The following ELMO1 variants were observed in gnomAD, a reference collection of about 807,000 sequenced individuals.
ELMO1 encodes the protein engulfment and cell motility 1.
Under a neutral mutation model 98.9 loss-of-function variants are expected in ELMO1, and 26 were observed. The observed-to-expected ratio is 0.26, with a 90% CI of 0.19 to 0.36. The LOEUF (loss-of-function observed/expected upper bound fraction) is 0.36. Ranked by LOEUF, ELMO1 falls within the 10% of genes least tolerant of loss-of-function variation. ELMO1 has a pLI of 1.00. For missense variants in ELMO1, 627 were observed against 935.2 expected (o/e 0.67, Z 4.30); for synonymous variants, 346 against 346.0 (o/e 1.00, Z 0.00).
At chr7:37,164,177 A>G (rs1373761531) in intron 13 of ELMO1, among the ~76,000 whole-genome samples, 5 of 151,900 alleles carry the variant, frequency 3.3e-5, no homozygotes, top group African/African-American at 1.2e-4. Flanking sequence ...CCACTTTTTC[A>G]TGGGGTTGTT....
chr7:37,158,809 T>C (rs1458266014), intron 13 of ELMO1, among the ~76,000 whole-genome samples: 1 of 152,234 alleles, frequency 6.6e-6, no homozygotes, highest in East Asian at 1.9e-4. Flanking sequence ...ACTGGGTATA[T>C]ACCCAAAGGA....
chr7:37,337,545 C>A (rs1337033191), intron 2 of ELMO1, among the ~76,000 whole-genome samples: 4 of 146,786 alleles, frequency 2.7e-5, no homozygotes, highest in Admixed American at 1.4e-4. Context: ...AAAAAAAACA[C>A]CTATGTGGAG....
At position 37,342,139 on chromosome 7, in the gene ELMO1, C is replaced by A. The variant is rs1336639569; in HGVS notation, c.78+474G>T. ...AATAAAAATTACAATTGGCTGAAAT[C>A]CAAGACTGAACCCCTCTATACTAAT... On this transcript the variant is annotated intron_variant, in intron 2 of 21. Transcript: ENST00000310758. The surrounding 1 kb of genome is among the most constrained non-coding windows in gnomAD (Gnocchi z 4.3). 6.6e-6 allele frequency among the ~76,000 whole-genome samples: 1 copy of A among 152,138 alleles called. No homozygotes were observed. Among genetic ancestry groups the A allele is most frequent in the Non-Finnish European group, 1.5e-5 (1 of 68,028 alleles).
intron 13 of ELMO1, among the ~76,000 whole-genome samples, chr7:37,162,732 A>G (rs1789310856): frequency 6.6e-6 from 1 of 152,184 alleles, no homozygotes. Context: ...AGGCTGATCC[A>G]AAGAGAGCTG....
At chr7:37,215,201 C>G (rs534751513) in intron 11 of ELMO1, among the ~76,000 whole-genome samples, 1 of 152,214 alleles carries the variant, frequency 6.6e-6, no homozygotes, top group Non-Finnish European at 1.5e-5. Context: ...TACACTCATA[C>G]ATTTCTTGTC....
chr7:37,165,711 T>C (rs1789627194), intron 13 of ELMO1, among the ~76,000 whole-genome samples: 1 of 152,092 alleles, frequency 6.6e-6, no homozygotes, highest in Non-Finnish European at 1.5e-5. Context: ...TGGATAAGCT[T>C]TTTGATGTGC....
intron 4 of ELMO1, among the ~76,000 whole-genome samples, chr7:37,303,239 G>A (rs1335870557): frequency 2.0e-5 from 3 of 152,120 alleles, no homozygotes; most frequent in South Asian, 4.1e-4. Flanking sequence ...TCCATCTGTG[G>A]AGCACAACCA....
At chr7:37,425,845 T>A (rs1048791304) in intron 1 of ELMO1, among the ~76,000 whole-genome samples, 1 of 152,232 alleles carries the variant, frequency 6.6e-6, no homozygotes, top group Non-Finnish European at 1.5e-5. Context: ...GCTGATATAC[T>A]GAGAACTTCT....
In ELMO1 at chr7:37,121,508, T is replaced by A. The variant is rs576837640; in HGVS notation, c.1191+11622A>T. Among the ~76,000 whole-genome samples, 8 of 152,206 alleles carry A rather than the reference T, an allele frequency of 5.3e-5. No individual in the cohort carries two copies. The South Asian group carries it at 1.7e-3, about 32-fold the overall frequency. ...AGCTTCAGTAGCCAATTCGATCAGC[T>A]GGAAGAAAGGGTATCAGCGATGGAA... On this transcript the variant is annotated intron_variant, in intron 14 of 21. Coordinates refer to ENST00000310758, the MANE Select transcript of ELMO1 (RefSeq NM_014800.11).
intron 18 of ELMO1, among the ~76,000 whole-genome samples, chr7:36,879,694 C>G (rs759438562): frequency 3.3e-5 from 5 of 151,944 alleles, no homozygotes; most frequent in Non-Finnish European, 7.4e-5. Context: ...AGTCAGAGTA[C>G]GGCAATCCAT....
intron 4 of ELMO1, among the ~76,000 whole-genome samples, chr7:37,274,014 C>T (rs1213486412): frequency 6.6e-6 from 1 of 152,172 alleles, no homozygotes; most frequent in Non-Finnish European, 1.5e-5. Context: ...CCCAACACCA[C>T]CAGATCCAGG....
At chr7:37,156,668 G>A (rs1054766702) in intron 13 of ELMO1, among the ~76,000 whole-genome samples, 1 of 151,478 alleles carries the variant, frequency 6.6e-6, no homozygotes, top group African/African-American at 2.4e-5. Context: ...CTGAAATTTA[G>A]GCAGTAATAG....
intron 1 of ELMO1, among the ~76,000 whole-genome samples, chr7:37,350,812 C>T (rs1801228697): frequency 6.6e-6 from 1 of 152,144 alleles, no homozygotes; most frequent in Non-Finnish European, 1.5e-5. Flanking sequence ...GTCTATTATC[C>T]TTTTAAGAGG....
chr7:37,289,122 A>G (rs1255245025), intron 4 of ELMO1, among the ~76,000 whole-genome samples: 1 of 152,218 alleles, frequency 6.6e-6, no homozygotes, highest in Admixed American at 6.5e-5. Flanking sequence ...GGTGCCTGGT[A>G]TATCAAATGT....
rs75108817 is a variant in ELMO1, at chr7:37,241,696, A to G, written c.449+2660T>C. ...TTTAGTTGTGACTCTGTGTATTACA[A>G]TGTGCACCATTAGTATATTAATGTC... On this transcript the variant is annotated intron_variant, in intron 7 of 21. Transcript: ENST00000310758. Among the ~76,000 whole-genome samples the G allele has an allele frequency of 2.2e-3, 340 of 152,174 alleles. 3 individuals are homozygous for G. The highest frequency in any genetic ancestry group is 8.5e-3 in the East Asian group (44 of 5,188).
chr7:37,371,946 G>T (rs998562533), intron 1 of ELMO1, among the ~76,000 whole-genome samples: 23 of 152,278 alleles, frequency 1.5e-4, no homozygotes, highest in African/African-American at 5.3e-4. Flanking sequence ...AAGCAACTGA[G>T]ATGTAGACCA....
intron 6 of ELMO1, among the ~76,000 whole-genome samples, chr7:37,244,979 TA>T (rs966792910): frequency 1.3e-5 from 2 of 152,184 alleles, no homozygotes; most frequent in Non-Finnish European, 2.9e-5. Context: ...TATGCTTTTT[TA>T]AAAAAACTAG....
chr7:37,249,283 A>AT (rs200130173), intron 6 of ELMO1, among the ~76,000 whole-genome samples: 1,610 of 152,308 alleles, frequency 0.011, 29 homozygotes, highest in African/African-American at 0.037. Flanking sequence ...AATGATGACA[A>AT]TTTTTATATA....
chr7:37,068,217 A>C (rs544924554), intron 15 of ELMO1, among the ~76,000 whole-genome samples: 2 of 152,302 alleles, frequency 1.3e-5, no homozygotes, highest in South Asian at 4.1e-4. Context: ...TGTGCAGTAA[A>C]GCAGTTCCCA....
Sources: allele counts gnomAD v4.1 joint callset (sites outside exome capture counted in the v4.1 genomes callset), GRCh38; gene constraint gnomAD v4.1.1; non-coding constraint Gnocchi (gnomAD v3.1); transcripts MANE v1.5; gene names NCBI Gene and HGNC (gene_info 2026-07-23, HGNC 2026-07-21).